XIRP2: variants seen among roughly 807,000 people sequenced by gnomAD.
XIRP2 encodes xin actin-binding repeat-containing protein 2.
In XIRP2, 236 loss-of-function variants were observed where a neutral mutation model predicts 277.0. The ratio of observed to expected loss-of-function variants is 0.85; its 90% CI spans 0.77 to 0.95. XIRP2 has a LOEUF of 0.95. Among genes scored for constraint, XIRP2 ranks in the 40% least tolerant of loss-of-function variants. The probability of loss-of-function intolerance (pLI) is 0.00; values close to 1 mark genes in which losing one functional copy is unlikely to be tolerated. For missense variants in XIRP2, 4,640 were observed against 4,157.5 expected (o/e 1.12, Z -3.19); for synonymous variants, 1,490 against 1,416.5 (o/e 1.05, Z -1.17).
At chr2:166,939,700 A>AAAC (rs1553471906) in intron 2 of XIRP2, among the ~76,000 whole-genome samples, 3 of 146,726 alleles carry the variant, frequency 2.0e-5, no homozygotes, top group Non-Finnish European at 4.5e-5. Context: ...AAAAAAAAAC[A>AAAC]AAAAACAAAA....
intron 2 of XIRP2, among the ~76,000 whole-genome samples, chr2:167,044,379 C>T (rs982573864): frequency 4.6e-5 from 7 of 152,062 alleles, no homozygotes; most frequent in Admixed American, 1.3e-4. Flanking sequence ...AGGATACCCA[C>T]CCTCACCGCT....
In XIRP2 at chr2:167,250,265, T is replaced by C. The variant is rs774328512; in HGVS notation, c.8873T>C (p.Leu2958Ser). 1 of 1,613,310 alleles carries C rather than the reference T, an allele frequency of 6.2e-7. No homozygotes were observed. The highest frequency in any genetic ancestry group is 1.1e-5 in the South Asian group (1 of 90,936). Residue 2958 changes from leucine to serine, a missense_variant, in exon 9 of 11, where the codon TTG becomes TCG. By Grantham distance (145) the Leu-to-Ser change is moderately radical (BLOSUM62 -2). Transcript: ENST00000409195. ...AAACGTGAAGAACTGCAACAGATTT[T>C]GTCGAGAGTGAAACAGTTTGAAGCA... ...LRKREELQQILSRVKQFEAEP... is the reference protein window; with the variant it reads ...LRKREELQQISSRVKQFEAEP...
intron 2 of XIRP2, among the ~76,000 whole-genome samples, chr2:167,051,190 A>G (rs1038457131): frequency 3.9e-5 from 6 of 152,104 alleles, no homozygotes; most frequent in South Asian, 2.1e-4. Flanking sequence ...AGCCATCTGC[A>G]GTGTCTTCAC....
rs373096636 is a variant in XIRP2, at chr2:167,083,551, T to A, written c.409-52358T>A. ...ACCTTGGGCAGTATGGCCATTTTCA[T>A]GATATTGATTCTTCCTACCCATGGC... is the stretch of plus-strand genomic sequence containing the variant. On this transcript the variant is annotated intron_variant, in intron 2 of 10. Transcript: ENST00000409195. Among the ~76,000 whole-genome samples, 644 of 152,340 alleles carry A rather than the reference T, an allele frequency of 4.2e-3. 6 individuals are homozygous for A. Among genetic ancestry groups the A allele is most frequent in the African/African-American group, 0.015 (621 of 41,570 alleles).
intron 2 of XIRP2, among the ~76,000 whole-genome samples, chr2:167,051,136 T>C (rs927213077): frequency 2.0e-5 from 3 of 151,994 alleles, no homozygotes; most frequent in South Asian, 4.1e-4. Context: ...TAAATCCCAA[T>C]CCAAATATCA....
chr2:167,240,852 C>A, intron 7 of XIRP2, 116 bp downstream of exon 7: 1 of 870,654 alleles, frequency 1.1e-6, no homozygotes, highest in Non-Finnish European at 1.9e-6. Flanking sequence ...GTAACTATGA[C>A]TCATGGTTCC....
chr2:167,035,536 G>A (rs1688486934), intron 2 of XIRP2, among the ~76,000 whole-genome samples: 1 of 152,168 alleles, frequency 6.6e-6, no homozygotes, highest in South Asian at 2.1e-4. Flanking sequence ...TCTGGTAGAA[G>A]AAATTTCTAA....
chr2:166,983,386 A>C (rs1686924225), intron 2 of XIRP2, among the ~76,000 whole-genome samples: 2 of 152,116 alleles, frequency 1.3e-5, no homozygotes, highest in Admixed American at 1.3e-4. Flanking sequence ...TAAAATTTTA[A>C]TTATAGTTTT....
At chr2:167,025,829 A>G (rs1026983363) in intron 2 of XIRP2, among the ~76,000 whole-genome samples, 2 of 151,988 alleles carry the variant, frequency 1.3e-5, no homozygotes, top group African/African-American at 2.4e-5. Context: ...ACAGTTTGTT[A>G]TAATTTCTGT....
At chr2:166,971,472 C>A (rs1233656655) in intron 2 of XIRP2, among the ~76,000 whole-genome samples, 1 of 151,870 alleles carries the variant, frequency 6.6e-6, no homozygotes, top group Admixed American at 6.6e-5. Context: ...CATTAGAGCA[C>A]AACATGAATT....
At position 167,246,735 on chromosome 2, in the gene XIRP2, T is replaced by TG. The variant is rs774713223; in HGVS notation, c.5345dup (p.Gly1783TrpfsTer2). On this transcript the variant is annotated frameshift_variant, in exon 9 of 11. Transcript: ENST00000409195. LOFTEE classifies it high-confidence loss of function. The stretch of plus-strand genomic sequence containing the variant: ...AACAAGAAGGAGAGAAAGAAATCAT[T>TG]GGTGGTGATGTTGAAGGTACAAAAC... The TG allele has an allele frequency of 3.1e-6, 5 of 1,613,680 alleles. No individual in the cohort carries two copies. The South Asian group carries it at 5.5e-5, about 18-fold the overall frequency.
intron 9 of XIRP2, 33 bp downstream of exon 9, chr2:167,251,980 A>G (rs374747979): frequency 1.3e-6 from 2 of 1,519,508 alleles, no homozygotes; most frequent in African/African-American, 2.8e-5. Flanking sequence ...AAAGAAGATT[A>G]ACCATTTAAA....
intron 3 of XIRP2, among the ~76,000 whole-genome samples, chr2:167,170,299 G>C (rs1353789074): frequency 6.6e-6 from 1 of 151,914 alleles, no homozygotes; most frequent in Non-Finnish European, 1.5e-5. Flanking sequence ...GTTAGTATCA[G>C]GGTTAGGTAG....
At position 167,254,102 on chromosome 2, in the gene XIRP2, T is replaced by C. The variant is rs374910884; in HGVS notation, c.10626T>C (p.Ser3542=). 1.9e-6 allele frequency: 3 copies of C among 1,610,928 alleles called. No homozygotes were observed. The highest frequency in any genetic ancestry group is 2.5e-6 in the Non-Finnish European group (3 of 1,178,358). The change falls in exon 10 of 11, where the codon AGT becomes AGC. Residue 3542 remains serine, a synonymous_variant. Coordinates refer to ENST00000409195, the MANE Select transcript of XIRP2 (RefSeq NM_152381.6). ...SKDSLSNGVP[S]GRQAEFS ...ACAGTTTATCCAATGGAGTGCCTAG[T>C]GGCAGACAAGCAGAATTTTCATAAG...
chr2:166,928,630 TTTC>T (rs1465236028), intron 2 of XIRP2, among the ~76,000 whole-genome samples: 2 of 152,158 alleles, frequency 1.3e-5, no homozygotes, highest in Non-Finnish European at 2.9e-5. Context: ...ATAGTTTTAA[TTTC>T]TTATCTTAAT....
intron 2 of XIRP2, among the ~76,000 whole-genome samples, chr2:166,905,773 GA>G (rs1265234908): frequency 1.3e-5 from 2 of 151,740 alleles, no homozygotes; most frequent in Non-Finnish European, 2.9e-5. Flanking sequence ...GGGACGAGGA[GA>G]AAAAGAACAA....
At chr2:167,088,920 T>C (rs988870588) in intron 2 of XIRP2, among the ~76,000 whole-genome samples, 1 of 152,186 alleles carries the variant, frequency 6.6e-6, no homozygotes. Flanking sequence ...TTTCATTCTC[T>C]GTCTTCCCTA....
chr2:167,071,094 A>G (rs1689426478), intron 2 of XIRP2, among the ~76,000 whole-genome samples: 1 of 152,178 alleles, frequency 6.6e-6, no homozygotes, highest in Non-Finnish European at 1.5e-5. Flanking sequence ...TCAATCCCAA[A>G]GCCCGTACAC....
intron 2 of XIRP2, among the ~76,000 whole-genome samples, chr2:167,010,702 C>G (rs1213823599): frequency 5.3e-5 from 8 of 152,026 alleles, no homozygotes; most frequent in South Asian, 2.1e-4. Context: ...CTACCCATGG[C>G]CATGGAATGT....
Sources: allele counts gnomAD v4.1 joint callset (sites outside exome capture counted in the v4.1 genomes callset), GRCh38; gene constraint gnomAD v4.1.1; transcripts MANE v1.5; gene names NCBI Gene and HGNC (gene_info 2026-07-23, HGNC 2026-07-21).